Variants in ANXA13 observed in about 807,000 individuals in gnomAD.
The protein encoded by ANXA13 is annexin A13, also known as annexin XIII.
In ANXA13, 36 loss-of-function variants were observed where a neutral mutation model predicts 46.6. That is an observed-to-expected ratio of 0.77 (90% confidence interval 0.59 to 1.02). ANXA13 has a LOEUF of 1.02. Among genes scored for constraint, ANXA13 ranks in the 50% least tolerant of loss-of-function variants. The pLI, the probability that ANXA13 is intolerant of heterozygous loss-of-function variation, is 0.00. For synonymous variants in ANXA13, 163 were observed against 152.9 expected (o/e 1.07, Z -0.49); for missense variants, 417 against 396.5 (o/e 1.05, Z -0.44).
chr8:123,695,115 A>G (rs1178402437), intron 6 of ANXA13, among the ~76,000 whole-genome samples: 1 of 151,960 alleles, frequency 6.6e-6, no homozygotes, highest in African/African-American at 2.4e-5. Flanking sequence ...TGTGTTGTGG[A>G]AGCGGCCCTG....
chr8:123,736,731 A>G (rs1814274866), intron 1 of ANXA13, among the ~76,000 whole-genome samples: 4 of 152,118 alleles, frequency 2.6e-5, no homozygotes, highest in Admixed American at 2.6e-4. Flanking sequence ...CTACAGATAC[A>G]TATTAACCAT....
intron 1 of ANXA13, among the ~76,000 whole-genome samples, chr8:123,726,939 G>T (rs984939790): frequency 2.0e-5 from 3 of 152,184 alleles, no homozygotes; most frequent in African/African-American, 7.2e-5. Flanking sequence ...TATTCTAAGT[G>T]AAGTAACTCA....
intron 1 of ANXA13, among the ~76,000 whole-genome samples, chr8:123,713,140 A>G (rs529139799): frequency 6.6e-6 from 1 of 152,360 alleles, no homozygotes; most frequent in East Asian, 1.9e-4. Context: ...GCTATGTCTA[A>G]GGAATAGGTC....
intron 8 of ANXA13, among the ~76,000 whole-genome samples, chr8:123,692,196 G>T (rs1349557574): frequency 6.6e-6 from 1 of 152,240 alleles, no homozygotes; most frequent in Non-Finnish European, 1.5e-5. Flanking sequence ...AGGCCGGGGA[G>T]TCTTGGAGTT....
intron 1 of ANXA13, among the ~76,000 whole-genome samples, chr8:123,718,687 G>A (rs1047922412): frequency 6.6e-6 from 1 of 152,126 alleles, no homozygotes; most frequent in African/African-American, 2.4e-5. Context: ...GTGTATTTAC[G>A]TTCCTGTGTT....
intron 4 of ANXA13, among the ~76,000 whole-genome samples, chr8:123,697,911 C>T (rs1408514358): frequency 6.6e-6 from 1 of 152,230 alleles, no homozygotes; most frequent in Non-Finnish European, 1.5e-5. Context: ...CACAACCCTT[C>T]AGGGTAGTAC....
At position 123,693,869 on chromosome 8, in the gene ANXA13, G is replaced by A; in HGVS notation, c.472-90C>T. ...AAAAAAACAAAGTCCTGGAGAAAGAGGTGAATTCTTTCTCAGCTCAGCTCA... is the reference window on the plus strand; with the variant it reads ...AAAAAAACAAAGTCCTGGAGAAAGAAGTGAATTCTTTCTCAGCTCAGCTCA... On this transcript the variant is annotated intron_variant, in intron 6 of 10. Coordinates refer to ENST00000419625, the MANE Select transcript of ANXA13 (RefSeq NM_004306.4). The A allele has an allele frequency of 3.3e-6, 4 of 1,208,400 alleles. No homozygotes were observed. The East Asian group carries it at 9.3e-5, about 28-fold the overall frequency. 74.9% of individuals were successfully genotyped at this position (1,208,400 alleles called of 1,614,324 possible).
intron 8 of ANXA13, among the ~76,000 whole-genome samples, chr8:123,692,435 T>C (rs188243245): frequency 6.6e-6 from 1 of 152,316 alleles, no homozygotes; most frequent in Non-Finnish European, 1.5e-5. Context: ...AAAAATCTGA[T>C]ATTCCACTCC....
At chr8:123,683,730 G>C (rs942597127) in intron 10 of ANXA13, among the ~76,000 whole-genome samples, 1 of 152,004 alleles carries the variant, frequency 6.6e-6, no homozygotes, top group African/African-American at 2.4e-5. Flanking sequence ...GGGACTACAA[G>C]TGTGTGCCAC....
chr8:123,693,167 A>G (rs1235572079), intron 8 of ANXA13, 30 bp downstream of exon 8: 3 of 1,582,764 alleles, frequency 1.9e-6, no homozygotes, highest in Non-Finnish European at 2.6e-6. Context: ...TTCAGAGTGA[A>G]CTCTTTTGCC....
chr8:123,729,822 G>A lies in ANXA13; in HGVS notation c.15+7498C>T, dbSNP rs749575534. ...GTGAGTCCTGTGGTGTGCTACTTTC[G>A]ATCAAACACATACTAATTGTCCAAC... On this transcript the variant is annotated intron_variant, in intron 1 of 10. Coordinates refer to ENST00000419625, the MANE Select transcript of ANXA13 (RefSeq NM_004306.4). 3.3e-5 allele frequency among the ~76,000 whole-genome samples: 5 copies of A among 151,902 alleles called. 1 individual carries two copies. The highest frequency in any genetic ancestry group is 7.4e-5 in the Non-Finnish European group (5 of 67,952).
At chr8:123,734,990 G>A (rs942886681) in intron 1 of ANXA13, among the ~76,000 whole-genome samples, 8 of 151,640 alleles carry the variant, frequency 5.3e-5, no homozygotes, top group Admixed American at 4.6e-4. Flanking sequence ...ACAAACAAAA[G>A]TGTCTCAGTA....
intron 2 of ANXA13, among the ~76,000 whole-genome samples, chr8:123,710,076 G>A (rs1338166084): frequency 6.6e-6 from 1 of 152,100 alleles, no homozygotes; most frequent in Non-Finnish European, 1.5e-5. Context: ...TTATATTAAA[G>A]CAAAATATGT....
At position 123,736,936 on chromosome 8, in the gene ANXA13, C is replaced by T. The variant is rs144679767; in HGVS notation, c.15+384G>A. On this transcript the variant is annotated intron_variant, in intron 1 of 10. Coordinates refer to ENST00000419625, the MANE Select transcript of ANXA13 (RefSeq NM_004306.4). Reference sequence around the variant, plus strand: ...CAATCTCGGCTTATTGCAACCTCCGCCTCCCAGGTTCAAATGATTCTCCTG... The same window carrying T: ...CAATCTCGGCTTATTGCAACCTCCGTCTCCCAGGTTCAAATGATTCTCCTG... Among the ~76,000 whole-genome samples, 1,113 of 151,088 alleles carry T rather than the reference C, an allele frequency of 7.4e-3. 16 individuals carry two copies. Among genetic ancestry groups the T allele is most frequent in the African/African-American group, 0.025 (1,025 of 41,046 alleles).
At chr8:123,692,935 G>A (rs1287717897) in intron 8 of ANXA13, among the ~76,000 whole-genome samples, 1 of 152,140 alleles carries the variant, frequency 6.6e-6, no homozygotes, top group Non-Finnish European at 1.5e-5. Context: ...ATTCTTGGTG[G>A]TGGGCTGTCC....
In ANXA13 at chr8:123,683,584, C is replaced by CTTTTTTTTTTTT. The variant is rs5894671; in HGVS notation, c.831+1014_831+1025dup. Among the ~76,000 whole-genome samples, 3 of 100,824 alleles carry CTTTTTTTTTTTT rather than the reference C, an allele frequency of 3.0e-5. 1 individual carries two copies. The highest frequency in any genetic ancestry group is 8.1e-5 in the African/African-American group (2 of 24,766). 66.1% of individuals were successfully genotyped at this position (100,824 alleles called of 152,430 possible). A position where few individuals can be genotyped will look rare whatever the true frequency, so the allele number is the denominator to read the frequency against. ...CATATCCCGAACTGTTAGCTGTGAC[C>CTTTTTTTTTTTT]TTTTTTTTTTTTTTTTTTTTGAGAC... On this transcript the variant is annotated intron_variant, in intron 10 of 10. Transcript: ENST00000419625.
chr8:123,688,017 G>A (rs933344319), intron 9 of ANXA13, among the ~76,000 whole-genome samples: 3 of 152,174 alleles, frequency 2.0e-5, no homozygotes, highest in African/African-American at 7.2e-5. Context: ...AAGGAAACCT[G>A]TGAGCTATCA....
At chr8:123,706,185 C>T (rs1385977189) in intron 2 of ANXA13, among the ~76,000 whole-genome samples, 2 of 152,184 alleles carry the variant, frequency 1.3e-5, no homozygotes, top group African/African-American at 4.8e-5. Flanking sequence ...CATTTCCTCC[C>T]GGAGCTTCGC....
chr8:123,694,207 A>G (rs1023121113), intron 6 of ANXA13, among the ~76,000 whole-genome samples: 37 of 152,336 alleles, frequency 2.4e-4, no homozygotes, highest in Admixed American at 5.9e-4. Flanking sequence ...AGATGACCCA[A>G]TGGTCCACAT....
Sources: allele counts gnomAD v4.1 joint callset (sites outside exome capture counted in the v4.1 genomes callset), GRCh38; gene constraint gnomAD v4.1.1; transcripts MANE v1.5; gene names NCBI Gene and HGNC (gene_info 2026-07-23, HGNC 2026-07-21).